Variants in ARHGEF28 observed in about 807,000 individuals in gnomAD.
ARHGEF28 encodes the protein Rho guanine nucleotide exchange factor 28.
Under a neutral mutation model 206.6 loss-of-function variants are expected in ARHGEF28, and 152 were observed. The observed-to-expected ratio is 0.74, with a 90% CI of 0.64 to 0.84. ARHGEF28 has a LOEUF of 0.84. Ranked by LOEUF, ARHGEF28 falls within the 40% of genes least tolerant of loss-of-function variation. The probability of loss-of-function intolerance (pLI) is 0.00; values close to 1 mark genes in which losing one functional copy is unlikely to be tolerated. For missense variants in ARHGEF28, 2,028 were observed against 2,073.2 expected, an observed-to-expected ratio of 0.98 and a Z score of 0.42; for synonymous variants, 763 against 776.4, an observed-to-expected ratio of 0.98 and a Z score of 0.29.
At chr5:73,707,788 C>T (rs1749021676) in intron 2 of ARHGEF28, among the ~76,000 whole-genome samples, 1 of 152,008 alleles carries the variant, frequency 6.6e-6, no homozygotes, top group South Asian at 2.1e-4. Flanking sequence ...AAAGAGAAAA[C>T]CCAAAATGAA....
intron 1 of ARHGEF28, among the ~76,000 whole-genome samples, chr5:73,679,604 T>C (rs1264937854): frequency 6.6e-6 from 1 of 151,762 alleles, no homozygotes; most frequent in Non-Finnish European, 1.5e-5. Flanking sequence ...CTATGGCATG[T>C]ACTATCTATA....
chr5:73,652,764 C>A (rs1580443645), intron 1 of ARHGEF28, among the ~76,000 whole-genome samples: 1 of 152,146 alleles, frequency 6.6e-6, no homozygotes, highest in South Asian at 2.1e-4. Flanking sequence ...CTTGTATGTC[C>A]AGGAGTGGCC....
intron 1 of ARHGEF28, among the ~76,000 whole-genome samples, chr5:73,653,626 C>T (rs1313474018): frequency 6.6e-6 from 1 of 152,202 alleles, no homozygotes; most frequent in African/African-American, 2.4e-5. Flanking sequence ...CACAGAGTTT[C>T]ACATGTTCTC....
In ARHGEF28 at chr5:73,872,987, C is replaced by A; in HGVS notation, c.2567-12C>A. ...AGCTTGTTTAAGGCTTATGTGTGCT[C>A]ACACATTTCAGAGCTAATGCAAACA... is the stretch of plus-strand genomic sequence containing the variant. On this transcript the variant is annotated splice_polypyrimidine_tract_variant and intron_variant, in intron 21 of 35. Coordinates refer to ENST00000513042, the MANE Select transcript of ARHGEF28 (RefSeq NM_001177693.2). The A allele has an allele frequency of 6.2e-7, 1 of 1,612,838 alleles. No homozygotes were observed. The highest frequency in any genetic ancestry group is 8.5e-7 in the Non-Finnish European group (1 of 1,179,188).
At chr5:73,803,076 G>T (rs1755239571) in intron 9 of ARHGEF28, among the ~76,000 whole-genome samples, 1 of 152,110 alleles carries the variant, frequency 6.6e-6, no homozygotes, top group African/African-American at 2.4e-5. Context: ...CTAATTTAAA[G>T]AACATTTTTA....
intron 1 of ARHGEF28, among the ~76,000 whole-genome samples, chr5:73,683,816 T>C (rs1747264701): frequency 1.3e-5 from 2 of 152,192 alleles, no homozygotes; most frequent in African/African-American, 4.8e-5. Context: ...GACTTTGGAA[T>C]CACCTGGAGC....
chr5:73,772,900 T>C (rs1165067114), intron 4 of ARHGEF28, among the ~76,000 whole-genome samples: 6 of 152,284 alleles, frequency 3.9e-5, no homozygotes, highest in Admixed American at 3.9e-4. Flanking sequence ...AATAGTAAAA[T>C]TGTGCTAATG....
chr5:73,825,641 T>A (rs1255772615), intron 9 of ARHGEF28, among the ~76,000 whole-genome samples: 2 of 152,166 alleles, frequency 1.3e-5, no homozygotes, highest in Non-Finnish European at 2.9e-5. Flanking sequence ...AGACTACTGT[T>A]GTAACAGTTT....
chr5:73,892,298 G>A (rs1169395777), intron 27 of ARHGEF28, 68 bp downstream of exon 27: 3 of 1,487,690 alleles, frequency 2.0e-6, no homozygotes, highest in Non-Finnish European at 2.7e-6. Context: ...TTCTAACCAT[G>A]TCTTCCTGCA....
At chr5:73,737,371 C>A (rs1260885848) in intron 2 of ARHGEF28, among the ~76,000 whole-genome samples, 1 of 151,758 alleles carries the variant, frequency 6.6e-6, no homozygotes, top group Non-Finnish European at 1.5e-5. Flanking sequence ...TCTTTCTCTG[C>A]TTGCCCCCGT....
At chr5:73,770,268 G>T (rs1177963966) in intron 4 of ARHGEF28, among the ~76,000 whole-genome samples, 1 of 152,190 alleles carries the variant, frequency 6.6e-6, no homozygotes, top group African/African-American at 2.4e-5. Flanking sequence ...CATGGGCAAA[G>T]AAACTGATGC....
intron 2 of ARHGEF28, among the ~76,000 whole-genome samples, chr5:73,705,797 T>A (rs913768616): frequency 5.3e-5 from 8 of 152,284 alleles, no homozygotes; most frequent in Middle Eastern, 6.8e-3. Flanking sequence ...GAAGGATATG[T>A]TTTCATAGAC....
intron 35 of ARHGEF28, among the ~76,000 whole-genome samples, chr5:73,929,386 C>A (rs1763987268): frequency 6.6e-6 from 1 of 152,126 alleles, no homozygotes; most frequent in Non-Finnish European, 1.5e-5. Flanking sequence ...ATAAGGCTCT[C>A]TTTTTAAAAT....
chr5:73,750,052 G>C, intron 3 of ARHGEF28, 68 bp downstream of exon 3: 1 of 1,561,006 alleles, frequency 6.4e-7, no homozygotes, highest in East Asian at 2.2e-5. Flanking sequence ...AGGGCTGTAG[G>C]CCAGGAAGAG....
intron 2 of ARHGEF28, among the ~76,000 whole-genome samples, chr5:73,744,703 T>C (rs1358144051): frequency 6.6e-6 from 1 of 152,074 alleles, no homozygotes; most frequent in African/African-American, 2.4e-5. Context: ...ACCTTTATTA[T>C]GCTTCTTTCC....
chr5:73,667,788 A>G (rs1046590122), intron 1 of ARHGEF28, among the ~76,000 whole-genome samples: 3 of 152,228 alleles, frequency 2.0e-5, no homozygotes, highest in African/African-American at 7.2e-5. Flanking sequence ...CTGCTTGAAT[A>G]TTATGCAGCA....
At chr5:73,926,210 G>GA (rs1051304810) in intron 35 of ARHGEF28, among the ~76,000 whole-genome samples, 56 of 152,268 alleles carry the variant, frequency 3.7e-4, no homozygotes, top group African/African-American at 1.3e-3. Context: ...TACTAACTGA[G>GA]AAAAAATGAA....
intron 1 of ARHGEF28, among the ~76,000 whole-genome samples, chr5:73,660,532 G>C (rs972113459): frequency 3.9e-5 from 6 of 152,038 alleles, no homozygotes; most frequent in Non-Finnish European, 8.8e-5. Context: ...CTTTCCAGAG[G>C]ATTTTCAGTT....
At chr5:73,840,838 A>T in intron 11 of ARHGEF28, 78 bp downstream of exon 11, 1 of 1,420,528 alleles carries the variant, frequency 7.0e-7, no homozygotes, top group Non-Finnish European at 9.4e-7. Flanking sequence ...TCTAGTTTTA[A>T]ACTTTTTATT....
Sources: allele counts gnomAD v4.1 joint callset (sites outside exome capture counted in the v4.1 genomes callset), GRCh38; gene constraint gnomAD v4.1.1; transcripts MANE v1.5; gene names NCBI Gene and HGNC (gene_info 2026-07-23, HGNC 2026-07-21).